The following PAPOLA variants were observed in gnomAD, a reference collection of about 807,000 sequenced individuals.
PAPOLA encodes the protein polynucleotide adenylyltransferase alpha.
A neutral mutation model predicts 100.6 loss-of-function variants in PAPOLA; 15 were observed. That is an observed-to-expected ratio of 0.15 (90% confidence interval 0.10 to 0.23). PAPOLA has a LOEUF of 0.23. PAPOLA is among the 10% of genes least tolerant of loss of function. The pLI is 1.00. For synonymous variants in PAPOLA, 293 were observed against 300.0 expected (o/e 0.98, Z 0.24); for missense variants, 533 against 884.2 (o/e 0.60, Z 5.04).
At chr14:96,562,362 T>C (rs947670778) in intron 20 of PAPOLA, 7 of 152,740 alleles carry the variant, frequency 4.6e-5, no homozygotes, top group Admixed American at 4.6e-4. Context: ...AGAAATCTTT[T>C]TTAGACATAT....
At chr14:96,533,202 C>G (rs776960366) in intron 9 of PAPOLA, 16 of 982,480 alleles carry the variant, frequency 1.6e-5, no homozygotes, top group Non-Finnish European at 1.9e-5. Context: ...TTCATTTCCA[C>G]ATATGTCAAC....
In PAPOLA at chr14:96,520,163, A is replaced by C. The variant is rs771982702; in HGVS notation, c.117A>C (p.Thr39=). ...AAPKETDCVL[T]QKLIETLKPF... ...CCAAGGAGACTGACTGCGTACTTAC[A>C]CAGAAACTAATTGAGACATTGAAAC... Residue 39 remains threonine, a synonymous_variant, in exon 2 of 22, where the codon ACA becomes ACC. Transcript: ENST00000216277. The C allele has an allele frequency of 2.0e-5, 33 of 1,613,882 alleles. No individual in the cohort carries two copies. Among genetic ancestry groups the C allele is most frequent in the Non-Finnish European group, 2.5e-5 (30 of 1,179,886 alleles).
rs371655282 is a variant in PAPOLA, at chr14:96,525,472, A to G, written c.331+81A>G. ...ACATACCCGTCTCAGTTACTTGTGT[A>G]TCATATAGCTTAGGCTTGCATGGAA... is the stretch of plus-strand genomic sequence containing the variant. On this transcript the variant is annotated intron_variant, in intron 4 of 21. Coordinates refer to ENST00000216277, the MANE Select transcript of PAPOLA (RefSeq NM_032632.5). The G allele has an allele frequency of 4.0e-5, 25 of 623,924 alleles. No homozygotes were observed. Among genetic ancestry groups the G allele is most frequent in the South Asian group, 2.0e-4 (9 of 45,914 alleles). The allele number at this position is 623,924 out of a possible 1,614,324, so 38.6% of individuals were successfully genotyped here.
chr14:96,515,752 C>G (rs1324610488), intron 1 of PAPOLA, among the ~76,000 whole-genome samples: 1 of 152,232 alleles, frequency 6.6e-6, no homozygotes, highest in Non-Finnish European at 1.5e-5. Flanking sequence ...ATCACAAATA[C>G]TGCAGCTATA....
chr14:96,504,243 A>G (rs1401664773), intron 1 of PAPOLA: 1 of 152,238 alleles, frequency 6.6e-6, no homozygotes, highest in Non-Finnish European at 1.5e-5. Context: ...AAACCTTAAA[A>G]GGCTTCAATG....
chr14:96,552,552 A>G lies in PAPOLA; in HGVS notation c.1594A>G (p.Ser532Gly). ...CGACTTGTCTATGGACAGTGATAAC[A>G]GCATGTCTGTGCCTTCACCTACTAG... ...SLDLSMDSDN[S>G]MSVPSPTSAT... Residue 532 changes from serine (S) to glycine (G), a missense_variant, in exon 17 of 22, where the codon AGC becomes GGC. By Grantham distance (56) the Ser-to-Gly change is moderately conservative. Coordinates refer to ENST00000216277, the MANE Select transcript of PAPOLA (RefSeq NM_032632.5). The G allele has an allele frequency of 6.2e-7, 1 of 1,613,958 alleles. No homozygotes were observed. The highest frequency in any genetic ancestry group is 1.1e-5 in the South Asian group (1 of 91,086).
In PAPOLA at chr14:96,521,060, C is replaced by A; in HGVS notation, c.237C>A (p.Ile79=). ...TGGTAAAAGAGTGGATACGAGAAAT[C>A]AGTGAAAGCAAGGTAAGGCAACTTT... ...NNLVKEWIRE[I]SESKNLPQSV... Residue 79 remains isoleucine (I), a synonymous_variant, in exon 3 of 22, where the codon ATC becomes ATA. Coordinates refer to ENST00000216277, the MANE Select transcript of PAPOLA (RefSeq NM_032632.5). 6.4e-7 allele frequency: 1 copy of A among 1,552,514 alleles called. No homozygotes were observed. Among genetic ancestry groups the A allele is most frequent in the Non-Finnish European group, 8.9e-7 (1 of 1,126,816 alleles).
chr14:96,552,047 G>C (rs1900885978), intron 16 of PAPOLA, among the ~76,000 whole-genome samples: 1 of 152,084 alleles, frequency 6.6e-6, no homozygotes, highest in Admixed American at 6.5e-5. Flanking sequence ...AGGATAATTA[G>C]AAATCTATAT....
Position 96,544,164 on chromosome 14 carries a change from G to T in PAPOLA, c.1305G>T (p.Thr435=), listed in dbSNP as rs754173121. Residue 435 remains threonine, a synonymous_variant, in exon 15 of 22, where the codon ACG becomes ACT. Coordinates refer to ENST00000216277, the MANE Select transcript of PAPOLA (RefSeq NM_032632.5). The part of the protein sequence containing the change: ...KENPDKEEFR[T]MWVIGLVFKK... Reference sequence around the variant, plus strand: ...TTCTTTGCAGGGAAGAATTTCGCACGATGTGGGTGATTGGGTTAGTGTTTA... The same window carrying T: ...TTCTTTGCAGGGAAGAATTTCGCACTATGTGGGTGATTGGGTTAGTGTTTA... 5.6e-6 allele frequency: 9 copies of T among 1,599,912 alleles called. No individual in the cohort carries two copies. The highest frequency in any genetic ancestry group is 1.1e-5 in the South Asian group (1 of 90,606).
At chr14:96,535,131 A>G in intron 10 of PAPOLA, 4 of 971,330 alleles carry the variant, frequency 4.1e-6, no homozygotes, top group Non-Finnish European at 4.9e-6. Context: ...CTCATTTTAA[A>G]TGTTAACAAC....
chr14:96,564,744 A>G (rs1026198312), intron 21 of PAPOLA, among the ~76,000 whole-genome samples: 1 of 152,074 alleles, frequency 6.6e-6, no homozygotes, highest in Non-Finnish European at 1.5e-5. Context: ...AAATATACCT[A>G]TTTGAAAATT....
At chr14:96,530,020 T>A (rs1898856747) in intron 6 of PAPOLA, among the ~76,000 whole-genome samples, 1 of 152,242 alleles carries the variant, frequency 6.6e-6, no homozygotes, top group Admixed American at 6.5e-5. Context: ...AGTTCTCAGA[T>A]ATAATGGAAT....
At chr14:96,509,672 T>TA (rs1398316608) in intron 1 of PAPOLA, among the ~76,000 whole-genome samples, 1 of 152,232 alleles carries the variant, frequency 6.6e-6, no homozygotes, top group Non-Finnish European at 1.5e-5. Flanking sequence ...TCCTAGGCTA[T>TA]AAACCTGTGG....
intron 21 of PAPOLA, among the ~76,000 whole-genome samples, chr14:96,563,297 T>C (rs565746648): frequency 1.1e-4 from 17 of 152,186 alleles, no homozygotes; most frequent in Non-Finnish European, 2.4e-4. Flanking sequence ...TATTTCTGCC[T>C]TATTTTTCCA....
chr14:96,522,544 G>T (rs1898091151), intron 3 of PAPOLA, among the ~76,000 whole-genome samples: 1 of 151,996 alleles, frequency 6.6e-6, no homozygotes, highest in South Asian at 2.1e-4. Context: ...CTGAGTAGCT[G>T]GGACTATATA....
intron 20 of PAPOLA, chr14:96,562,613 T>G (rs1208968803): frequency 2.6e-6 from 1 of 379,870 alleles, no homozygotes; most frequent in Non-Finnish European, 4.9e-6. Context: ...AAGATTTAAG[T>G]AGGCAAATAG....
chr14:96,547,937 T>C lies in PAPOLA; in HGVS notation c.1521+19T>C. On this transcript the variant is annotated intron_variant, in intron 16 of 21. Coordinates refer to ENST00000216277, the MANE Select transcript of PAPOLA (RefSeq NM_032632.5). ...GAAAAAGGTAAATTTAGAAAGTACT[T>C]ACAAAAGCATTACTAACATAATGTT... is the stretch of plus-strand genomic sequence containing the variant. The C allele has an allele frequency of 6.3e-7, 1 of 1,581,428 alleles. No homozygotes were observed. The highest frequency in any genetic ancestry group is 1.8e-5 in the Admixed American group (1 of 55,918).
intron 1 of PAPOLA, among the ~76,000 whole-genome samples, chr14:96,514,100 C>G (rs1041696968): frequency 2.0e-5 from 3 of 151,864 alleles, no homozygotes; most frequent in Admixed American, 1.3e-4. Flanking sequence ...CAAAGATGAT[C>G]ATGCTTTGCC....
At chr14:96,551,525 A>C (rs1163078185) in intron 16 of PAPOLA, among the ~76,000 whole-genome samples, 1 of 152,188 alleles carries the variant, frequency 6.6e-6, no homozygotes, top group East Asian at 1.9e-4. Context: ...CAAAGATAAG[A>C]ATATTTTGTT....
Sources: allele counts gnomAD v4.1 joint callset (sites outside exome capture counted in the v4.1 genomes callset), GRCh38; gene constraint gnomAD v4.1.1; transcripts MANE v1.5; gene names NCBI Gene and HGNC (gene_info 2026-07-23, HGNC 2026-07-21).